Variants in DEPDC7 observed in about 807,000 individuals in gnomAD.
The protein encoded by DEPDC7 is DEP domain containing 7.
DEPDC7 carries 41 observed loss-of-function variants against 56.6 expected under a neutral mutation model. That is an observed-to-expected ratio of 0.72 (90% CI 0.56 to 0.94). DEPDC7 has a LOEUF of 0.94. Ranked by LOEUF, DEPDC7 falls within the 40% of genes least tolerant of loss-of-function variation. The pLI is 0.00. For missense variants in DEPDC7, 522 were observed against 596.3 expected (o/e 0.88, Z 1.30); for synonymous variants, 185 against 208.8 (o/e 0.89, Z 0.98).
chr11:33,025,834 G>T lies in DEPDC7; in HGVS notation c.249G>T (p.Lys83Asn). 6.2e-7 allele frequency: 1 copy of T among 1,614,200 alleles called. No homozygotes were observed. The highest frequency in any genetic ancestry group is 1.7e-5 in the Admixed American group (1 of 60,030). Reference sequence around the variant, plus strand: ...TTTTTTCTCACCTAATTCAGAATAAGTATTTTGGTGATGTAGATATTCCTC... The same window carrying T: ...TTTTTTCTCACCTAATTCAGAATAATTATTTTGGTGATGTAGATATTCCTC... ...DVIFSHLIQN[K>N]YFGDVDIPRA... is the part of the protein sequence containing the mutation. The change falls in exon 2 of 9, where the codon AAG becomes AAT. Residue 83 changes from lysine to asparagine, a missense_variant. Coordinates refer to ENST00000241051, the MANE Select transcript of DEPDC7 (RefSeq NM_001077242.2).
chr11:33,033,092 A>G, intron 8 of DEPDC7, 125 bp downstream of exon 8: 1 of 949,948 alleles, frequency 1.1e-6, no homozygotes, highest in Non-Finnish European at 1.6e-6. Flanking sequence ...CCTCAGAGTT[A>G]TTCATACAAA....
intron 1 of DEPDC7, among the ~76,000 whole-genome samples, chr11:33,022,766 C>G (rs995216292): frequency 2.2e-4 from 33 of 152,130 alleles, no homozygotes. Flanking sequence ...ATGCCTCATT[C>G]TTGCTCTGTT....
intron 1 of DEPDC7, among the ~76,000 whole-genome samples, chr11:33,023,435 A>G (rs1394023436): frequency 6.6e-6 from 1 of 152,202 alleles, no homozygotes; most frequent in African/African-American, 2.4e-5. Context: ...AAATCAGTGT[A>G]GTGGTTCAGT....
chr11:33,020,920 A>G (rs908048869), intron 1 of DEPDC7, among the ~76,000 whole-genome samples: 2 of 152,010 alleles, frequency 1.3e-5, no homozygotes, highest in Non-Finnish European at 2.9e-5. Flanking sequence ...TGATCTCTAA[A>G]CTCTTTGATT....
Position 33,028,436 on chromosome 11 carries a change from AAAT to A in DEPDC7, c.593-166_593-164del, listed in dbSNP as rs1454245921. 7.4e-6 allele frequency: 4 copies of A among 541,134 alleles called. No homozygotes were observed. In the African/African-American group the frequency reaches 7.7e-5, roughly 10 times the overall value. 33.5% of individuals were successfully genotyped at this position (541,134 alleles called of 1,614,324 possible). On this transcript the variant is annotated intron_variant, in intron 3 of 8. Transcript: ENST00000241051. ...AAGCCTATTCTCCTACACTCTAAAC[AAAT>A]CTTGGATTGTTTTACTTTGTTATAA...
intron 5 of DEPDC7, among the ~76,000 whole-genome samples, chr11:33,031,932 C>G (rs1165983407): frequency 4.6e-5 from 7 of 152,302 alleles, no homozygotes; most frequent in African/African-American, 1.7e-4. Flanking sequence ...TGCTTTGTCT[C>G]TCTACCAATG....
chr11:33,032,292 T>C (rs1853640180), intron 5 of DEPDC7, 44 bp from the exon 6 acceptor site: 4 of 1,518,850 alleles, frequency 2.6e-6, no homozygotes, highest in Admixed American at 2.5e-5. Flanking sequence ...TTTAATATAG[T>C]CATATTTGGT....
At chr11:33,033,229 C>A in intron 8 of DEPDC7, 33 bp from the exon 9 acceptor site, 1 of 1,443,520 alleles carries the variant, frequency 6.9e-7, no homozygotes, top group South Asian at 1.3e-5. Context: ...GGAATTGAGT[C>A]ATTAACTGAA....
At chr11:33,022,168 G>C (rs539358475) in intron 1 of DEPDC7, among the ~76,000 whole-genome samples, 1 of 152,270 alleles carries the variant, frequency 6.6e-6, no homozygotes, top group East Asian at 1.9e-4. Flanking sequence ...TCCTTTTCCT[G>C]TCTTACCCTG....
intron 1 of DEPDC7, among the ~76,000 whole-genome samples, chr11:33,023,302 T>C (rs912827768): frequency 1.3e-5 from 2 of 152,106 alleles, no homozygotes; most frequent in Non-Finnish European, 2.9e-5. Flanking sequence ...AAATTACCCA[T>C]CTACTTTTGG....
intron 1 of DEPDC7, among the ~76,000 whole-genome samples, chr11:33,023,751 G>C (rs559865867): frequency 6.6e-6 from 1 of 152,220 alleles, no homozygotes. Flanking sequence ...GGCTGTAAAG[G>C]AGTTTTAATA....
rs879082477 is a variant in DEPDC7, at chr11:33,031,308, T to C, written c.783-70T>C. 53 of 1,137,272 alleles carry C rather than the reference T, an allele frequency of 4.7e-5. 1 individual carries two copies. In the South Asian group the frequency reaches 6.2e-4, roughly 13 times the overall value. 70.4% of individuals were successfully genotyped at this position (1,137,272 alleles called of 1,614,324 possible). The stretch of plus-strand genomic sequence containing the variant: ...GCTACTGAATTAGGTACCATGTGTA[T>C]ATTTGTTATTCTTTGCCTTTTAAAT... On this transcript the variant is annotated intron_variant, in intron 4 of 8. Transcript: ENST00000241051.
intron 1 of DEPDC7, among the ~76,000 whole-genome samples, chr11:33,020,510 C>G (rs1853512898): frequency 6.6e-6 from 1 of 152,190 alleles, no homozygotes; most frequent in Non-Finnish European, 1.5e-5. Context: ...AGGCAACCTT[C>G]CAAAAGGTTT....
In DEPDC7 at chr11:33,026,535, G is replaced by A. The variant is rs146895479; in HGVS notation, c.464+486G>A. On this transcript the variant is annotated intron_variant, in intron 2 of 8. Transcript: ENST00000241051. ...GTTACCCTCAGCTAAACTGTGCAGT[G>A]GTGACACAGAGGTATAATTGAAGCT... 3.0e-3 allele frequency: 602 copies of A among 203,526 alleles called. 6 individuals are homozygous for A. Among genetic ancestry groups the A allele is most frequent in the African/African-American group, 0.013 (566 of 43,418 alleles). 12.6% of individuals were successfully genotyped at this position (203,526 alleles called of 1,614,324 possible). A position where few individuals can be genotyped will look rare whatever the true frequency, so the allele number is the denominator to read the frequency against.
chr11:33,032,836 C>T (rs1244290751), intron 7 of DEPDC7, 43 bp downstream of exon 7: 2 of 1,581,588 alleles, frequency 1.3e-6, no homozygotes, highest in Admixed American at 3.7e-5. Flanking sequence ...TGTAATAGAT[C>T]ACTAGATTAA....
chr11:33,032,124 A>G (rs924172819), intron 5 of DEPDC7, among the ~76,000 whole-genome samples: 3 of 152,248 alleles, frequency 2.0e-5, no homozygotes, highest in African/African-American at 4.8e-5. Flanking sequence ...AGAAGATATT[A>G]TATGACAGGG....
chr11:33,017,728 C>G (rs976120822), intron 1 of DEPDC7, among the ~76,000 whole-genome samples: 15 of 152,168 alleles, frequency 9.9e-5, no homozygotes, highest in Non-Finnish European at 1.6e-4. Flanking sequence ...TGGCAGGCAG[C>G]TTTGTACTTT....
chr11:33,026,181 T>G, intron 2 of DEPDC7, 132 bp downstream of exon 2: 1 of 983,400 alleles, frequency 1.0e-6, no homozygotes, highest in Non-Finnish European at 1.5e-6. Context: ...TGGGTAAATT[T>G]GATAAAGTGC....
At chr11:33,016,551 A>G (rs769898752) in intron 1 of DEPDC7, 1 of 1,614,186 alleles carries the variant, frequency 6.2e-7, no homozygotes, top group Non-Finnish European at 8.5e-7. Flanking sequence ...TGAGAGGTTT[A>G]TGTGAGTTCT....
Sources: allele counts gnomAD v4.1 joint callset (sites outside exome capture counted in the v4.1 genomes callset), GRCh38; gene constraint gnomAD v4.1.1; transcripts MANE v1.5; gene names NCBI Gene and HGNC (gene_info 2026-07-23, HGNC 2026-07-21).